TENM4: variants seen among roughly 807,000 people sequenced by gnomAD.
TENM4 encodes the protein teneurin transmembrane protein 4.
Under a neutral mutation model 243.3 loss-of-function variants are expected in TENM4, and 82 were observed. That is an observed-to-expected ratio of 0.34 (90% CI 0.28 to 0.40). The LOEUF is 0.40. Ranked by LOEUF, TENM4 falls within the 10% of genes least tolerant of loss-of-function variation. The pLI, the probability that TENM4 is intolerant of heterozygous loss-of-function variation, is 1.00. For synonymous variants in TENM4, 1,412 were observed against 1,456.3 expected (o/e 0.97, Z 0.69); for missense variants, 3,138 against 3,673.3 (o/e 0.85, Z 3.77).
intron 6 of TENM4, among the ~76,000 whole-genome samples, chr11:78,916,585 C>T (rs1856321709): frequency 1.3e-5 from 2 of 151,812 alleles, no homozygotes; most frequent in African/African-American, 2.4e-5. Context: ...TTAAAAATTC[C>T]ACCATGTAGA....
At chr11:78,857,037 T>C (rs1858697157) in intron 10 of TENM4, among the ~76,000 whole-genome samples, 1 of 152,120 alleles carries the variant, frequency 6.6e-6, no homozygotes, top group South Asian at 2.1e-4. Flanking sequence ...GAAGGCAGCT[T>C]ATCAAACTCC....
chr11:79,202,633 T>C (rs938988975), intron 3 of TENM4, among the ~76,000 whole-genome samples: 3 of 152,174 alleles, frequency 2.0e-5, no homozygotes, highest in African/African-American at 4.8e-5. Context: ...CCTGCCAGGT[T>C]GGGACAGTCC....
At position 79,076,963 on chromosome 11, in the gene TENM4, C is replaced by T. The variant is rs368704798; in HGVS notation, c.-65-6954G>A. 5.3e-5 allele frequency among the ~76,000 whole-genome samples: 8 copies of T among 152,236 alleles called. No homozygotes were observed. In the East Asian group the frequency reaches 9.6e-4, roughly 18 times the overall value. On this transcript the variant is annotated intron_variant, in intron 4 of 33. Transcript: ENST00000278550. ...AGATTAACTGGCTTGCTCTAGATCA[C>T]GTGGCTTCCAAGTGTCAGGGTCTAG...
chr11:78,760,390 C>T (rs1856402412), intron 18 of TENM4, among the ~76,000 whole-genome samples: 1 of 152,186 alleles, frequency 6.6e-6, no homozygotes, highest in Admixed American at 6.5e-5. Context: ...TGACTTGGTC[C>T]AAGTTGCTTA....
chr11:79,037,015 C>CAAAA (rs369421583), intron 6 of TENM4, among the ~76,000 whole-genome samples: 13 of 91,120 alleles, frequency 1.4e-4, no homozygotes, highest in African/African-American at 4.1e-4. Context: ...GACTCCATCT[C>CAAAA]AAAAAAAAAA....
intron 2 of TENM4, among the ~76,000 whole-genome samples, chr11:79,268,467 A>T (rs545724158): frequency 2.0e-5 from 3 of 152,294 alleles, no homozygotes; most frequent in East Asian, 1.9e-4. Flanking sequence ...ATATCAAAAC[A>T]TGAGAGTTTT....
chr11:79,370,682 T>C (rs1298508219), intron 1 of TENM4, among the ~76,000 whole-genome samples: 1 of 141,468 alleles, frequency 7.1e-6, no homozygotes, highest in Non-Finnish European at 1.5e-5. Flanking sequence ...GAAAACAACA[T>C]AGAAGAATAT....
Position 79,134,223 on chromosome 11 carries a change from A to C in TENM4, c.-66+14487T>G, listed in dbSNP as rs566479035. On this transcript the variant is annotated intron_variant, in intron 4 of 33. Transcript: ENST00000278550. ...CAACAGCGACCAAGTGGAGAATAAAATCAGGAACTCAACTCCTTTTACAAT... is the reference window on the plus strand; with the variant it reads ...CAACAGCGACCAAGTGGAGAATAAACTCAGGAACTCAACTCCTTTTACAAT... 7.2e-5 allele frequency among the ~76,000 whole-genome samples: 11 copies of C among 152,280 alleles called. No individual in the cohort carries two copies. The South Asian group carries it at 2.3e-3, about 32-fold the overall frequency.
At chr11:78,921,983 C>G (rs966190541) in intron 6 of TENM4, among the ~76,000 whole-genome samples, 2 of 152,230 alleles carry the variant, frequency 1.3e-5, no homozygotes, top group Non-Finnish European at 2.9e-5. Context: ...GACAGGCTTA[C>G]AGACAACAGC....
At chr11:79,089,656 T>G (rs1455098077) in intron 4 of TENM4, among the ~76,000 whole-genome samples, 1 of 152,114 alleles carries the variant, frequency 6.6e-6, no homozygotes, top group Non-Finnish European at 1.5e-5. Context: ...TGCTACTTAA[T>G]GTTTGGCCCA....
intron 1 of TENM4, among the ~76,000 whole-genome samples, chr11:79,304,353 C>T (rs375888018): frequency 3.9e-5 from 6 of 152,108 alleles, no homozygotes; most frequent in Non-Finnish European, 7.4e-5. Flanking sequence ...TCTTGAGGTG[C>T]GAAAGCCAAT....
At chr11:78,751,538 G>A (rs767183372) in intron 19 of TENM4, among the ~76,000 whole-genome samples, 7 of 152,186 alleles carry the variant, frequency 4.6e-5, no homozygotes, top group Non-Finnish European at 1.0e-4. Flanking sequence ...CTGGGTGGTT[G>A]TAATACTGTG....
intron 6 of TENM4, among the ~76,000 whole-genome samples, chr11:78,933,073 T>C (rs953030899): frequency 6.6e-6 from 1 of 152,158 alleles, no homozygotes; most frequent in African/African-American, 2.4e-5. Context: ...ACTCCGCTCC[T>C]GTTCTCCAGG....
chr11:79,167,833 C>A (rs1862949587), intron 3 of TENM4, among the ~76,000 whole-genome samples: 2 of 152,180 alleles, frequency 1.3e-5, no homozygotes, highest in African/African-American at 4.8e-5. Flanking sequence ...CCTTCTGTGT[C>A]CACAGGGCCT....
chr11:78,726,682 G>C (rs1239930679), intron 22 of TENM4, among the ~76,000 whole-genome samples: 1 of 152,072 alleles, frequency 6.6e-6, no homozygotes, highest in Non-Finnish European at 1.5e-5. Context: ...GAGTTCTCCT[G>C]AGATCCAGAT....
chr11:78,982,200 G>T (rs1857813094), intron 6 of TENM4, among the ~76,000 whole-genome samples: 2 of 152,116 alleles, frequency 1.3e-5, no homozygotes, highest in Non-Finnish European at 2.9e-5. Flanking sequence ...TGCATCTTCT[G>T]GTTGGCAAGT....
At chr11:79,330,055 G>A (rs7936239) in intron 1 of TENM4, among the ~76,000 whole-genome samples, 25,017 of 152,154 alleles carry the variant, frequency 0.16, 2,178 homozygotes, top group East Asian at 0.34. Context: ...GTGTTGTTAA[G>A]TGCTTAATGA....
chr11:78,674,377 C>A (rs920036040), intron 30 of TENM4, among the ~76,000 whole-genome samples: 1 of 152,222 alleles, frequency 6.6e-6, no homozygotes, highest in African/African-American at 2.4e-5. Flanking sequence ...GGCCACCCGT[C>A]CCAATCTCAG....
chr11:79,346,961 A>AC (rs957983556), intron 1 of TENM4, among the ~76,000 whole-genome samples: 4 of 152,052 alleles, frequency 2.6e-5, no homozygotes, highest in African/African-American at 9.7e-5. Flanking sequence ...ATCCCACCAA[A>AC]CCACTGCCTT....
Sources: gnomAD v4.1 joint callset for allele counts (sites outside exome capture counted in the v4.1 genomes callset) on GRCh38, gnomAD v4.1.1 for gene constraint, MANE v1.5 for transcripts, NCBI Gene and HGNC (gene_info 2026-07-23, HGNC 2026-07-21) for gene names.